PPM1L: variants seen among roughly 807,000 people sequenced by gnomAD.
PPM1L encodes protein phosphatase 1L.
A neutral mutation model predicts 31.4 loss-of-function variants in PPM1L; 13 were observed. That is an observed-to-expected ratio of 0.41 (90% CI 0.27 to 0.66). PPM1L has a LOEUF of 0.66. Ranked by LOEUF, PPM1L falls within the 30% of genes least tolerant of loss-of-function variation. The probability of loss-of-function intolerance (pLI) is 0.29; values close to 1 mark genes in which losing one functional copy is unlikely to be tolerated. For synonymous variants in PPM1L, 184 were observed against 175.4 expected, an observed-to-expected ratio of 1.05 and a Z score of -0.39; for missense variants, 326 against 453.7, an observed-to-expected ratio of 0.72 and a Z score of 2.56.
At chr3:160,942,635 A>G (rs929935195) in intron 1 of PPM1L, among the ~76,000 whole-genome samples, 3 of 152,188 alleles carry the variant, frequency 2.0e-5, no homozygotes, top group Admixed American at 6.5e-5. Flanking sequence ...AAAAGTGCTA[A>G]AGAACCAGAA....
At chr3:160,913,300 C>T (rs1714036949) in intron 1 of PPM1L, among the ~76,000 whole-genome samples, 1 of 152,072 alleles carries the variant, frequency 6.6e-6, no homozygotes, top group African/African-American at 2.4e-5. Context: ...ATCTAGCCCA[C>T]CTTGGTGTAG....
At chr3:160,946,996 G>C (rs1308819181) in intron 1 of PPM1L, among the ~76,000 whole-genome samples, 1 of 152,112 alleles carries the variant, frequency 6.6e-6, no homozygotes, top group Non-Finnish European at 1.5e-5. Flanking sequence ...TCAAAATGGT[G>C]TACATTCTAC....
intron 1 of PPM1L, among the ~76,000 whole-genome samples, chr3:160,876,239 T>C (rs1411456574): frequency 6.6e-6 from 1 of 152,174 alleles, no homozygotes; most frequent in East Asian, 1.9e-4. Flanking sequence ...CAGATTTGAG[T>C]AACTTATGAC....
At chr3:160,812,937 G>A (rs1712854219) in intron 1 of PPM1L, among the ~76,000 whole-genome samples, 1 of 152,192 alleles carries the variant, frequency 6.6e-6, no homozygotes, top group Non-Finnish European at 1.5e-5. Flanking sequence ...TGTCTATTAT[G>A]TATATAGCAC....
rs538094069 is a variant in PPM1L, at chr3:160,998,408, C to T, written c.574+36498C>T. Reference sequence around the variant, plus strand: ...GCAAAAATTATGTACAGAACCAGAACAAAACACATAAAAATTAGTTTATCT... The same window carrying T: ...GCAAAAATTATGTACAGAACCAGAATAAAACACATAAAAATTAGTTTATCT... On this transcript the variant is annotated intron_variant, in intron 2 of 3. Coordinates refer to ENST00000498165, the MANE Select transcript of PPM1L (RefSeq NM_139245.4). Among the ~76,000 whole-genome samples, 15 of 152,280 alleles carry T rather than the reference C, an allele frequency of 9.9e-5. No homozygotes were observed. The South Asian group carries it at 3.1e-3, about 32-fold the overall frequency.
At chr3:160,984,513 A>C (rs1716901786) in intron 2 of PPM1L, among the ~76,000 whole-genome samples, 1 of 152,168 alleles carries the variant, frequency 6.6e-6, no homozygotes, top group Admixed American at 6.5e-5. Flanking sequence ...GGCGACATAC[A>C]TCCTCCTCAG....
At chr3:160,764,195 C>T (rs1349414875) in intron 1 of PPM1L, among the ~76,000 whole-genome samples, 3 of 151,990 alleles carry the variant, frequency 2.0e-5, no homozygotes, top group Admixed American at 2.0e-4. Context: ...GCAATAGCAC[C>T]ATCATAGCTT....
chr3:160,965,922 A>G, intron 2 of PPM1L, among the ~76,000 whole-genome samples: 1 of 152,124 alleles, frequency 6.6e-6, no homozygotes, highest in East Asian at 1.9e-4. Context: ...TAAAAAAACA[A>G]TTAATGAAAA....
At chr3:160,951,425 A>G (rs1464042803) in intron 1 of PPM1L, among the ~76,000 whole-genome samples, 1 of 152,228 alleles carries the variant, frequency 6.6e-6, no homozygotes, top group East Asian at 1.9e-4. Context: ...GTTTGAGGGT[A>G]GGTTTTGATC....
At position 161,065,573 on chromosome 3, in the gene PPM1L, G is replaced by C; in HGVS notation, c.736+9G>C. ...GAGGATAAAGAGAGCAGGTGAGCTTGTGAACACCTCCAAGAAATGTCTGCT... is the reference window on the plus strand; with the variant it reads ...GAGGATAAAGAGAGCAGGTGAGCTTCTGAACACCTCCAAGAAATGTCTGCT... On this transcript the variant is annotated intron_variant, in intron 3 of 3. Coordinates refer to ENST00000498165, the MANE Select transcript of PPM1L (RefSeq NM_139245.4). 1 of 1,611,720 alleles carries C rather than the reference G, an allele frequency of 6.2e-7. No individual in the cohort carries two copies. Among genetic ancestry groups the C allele is most frequent in the Non-Finnish European group, 8.5e-7 (1 of 1,178,356 alleles).
chr3:160,888,107 T>C (rs575898677), intron 1 of PPM1L, among the ~76,000 whole-genome samples: 50 of 152,286 alleles, frequency 3.3e-4, no homozygotes, highest in Admixed American at 2.6e-3. Context: ...AATGACACTA[T>C]GAAGAAACTG....
intron 1 of PPM1L, among the ~76,000 whole-genome samples, chr3:160,869,718 ATGTGTGTGTGTGTGTG>A (rs10663764): frequency 6.7e-6 from 1 of 150,330 alleles, no homozygotes; most frequent in Non-Finnish European, 1.5e-5. Flanking sequence ...GGTGCAATGT[ATGTGTGTGTGTGTGTG>A]TGTGTGTGTA....
chr3:160,819,793 A>G (rs1193926141), intron 1 of PPM1L, among the ~76,000 whole-genome samples: 1 of 152,014 alleles, frequency 6.6e-6, no homozygotes, highest in Admixed American at 6.6e-5. Flanking sequence ...AGTAGCCTGG[A>G]GAAGTAGGTT....
chr3:160,835,087 T>TC (rs1713668044), intron 1 of PPM1L, among the ~76,000 whole-genome samples: 2 of 99,686 alleles, frequency 2.0e-5, no homozygotes, highest in East Asian at 6.0e-4. Flanking sequence ...TTCTTCTTCT[T>TC]TCTTTTTTCT....
At chr3:160,995,817 G>T (rs112147284) in intron 2 of PPM1L, among the ~76,000 whole-genome samples, 3,810 of 152,216 alleles carry the variant, frequency 0.025, 81 homozygotes, top group South Asian at 0.044. Flanking sequence ...TTGATAAATC[G>T]ATCATGGGAA....
chr3:160,949,454 G>C (rs1715507911), intron 1 of PPM1L, among the ~76,000 whole-genome samples: 1 of 152,084 alleles, frequency 6.6e-6, no homozygotes, highest in Non-Finnish European at 1.5e-5. Context: ...ATAAAATAAG[G>C]TGTGATGCTC....
chr3:160,772,755 T>C (rs1715291667), intron 1 of PPM1L, among the ~76,000 whole-genome samples: 1 of 152,226 alleles, frequency 6.6e-6, no homozygotes, highest in African/African-American at 2.4e-5. Context: ...CAACCATTAA[T>C]CTACTTTCTG....
At chr3:160,880,929 A>G (rs1712690586) in intron 1 of PPM1L, among the ~76,000 whole-genome samples, 1 of 152,206 alleles carries the variant, frequency 6.6e-6, no homozygotes, top group Non-Finnish European at 1.5e-5. Flanking sequence ...ATATAGTAGG[A>G]TATAATGAAA....
At chr3:160,835,149 CTTTTTTTT>C (rs374361985) in intron 1 of PPM1L, among the ~76,000 whole-genome samples, 4 of 50,670 alleles carry the variant, frequency 7.9e-5, no homozygotes, top group African/African-American at 2.9e-4. Context: ...CTTTTTCTTC[CTTTTTTTT>C]TTTTTTTTTT....
Sources: gnomAD v4.1 joint callset for allele counts (sites outside exome capture counted in the v4.1 genomes callset) on GRCh38, gnomAD v4.1.1 for gene constraint, MANE v1.5 for transcripts, NCBI Gene and HGNC (gene_info 2026-07-23, HGNC 2026-07-21) for gene names.